Variants in PIK3R5 observed in about 807,000 individuals in gnomAD.
The protein encoded by PIK3R5 is phosphoinositide-3-kinase regulatory subunit 5.
PIK3R5 carries 32 observed loss-of-function variants against 94.9 expected under a neutral mutation model. That is an observed-to-expected ratio of 0.34 (90% CI 0.25 to 0.45). The LOEUF is 0.45. Ranked by LOEUF, PIK3R5 falls within the 20% of genes least tolerant of loss-of-function variation. The pLI is 1.00. For missense variants in PIK3R5, 853 were observed against 1,144.6 expected (o/e 0.75, Z 3.68); for synonymous variants, 443 against 479.4 (o/e 0.92, Z 0.99).
rs1324735051 is a variant in PIK3R5, at chr17:8,925,746, G to A, written c.-13-14239C>T. ...CTTGCATCATGGCTGAGTACATTTTGGTCCCCAAGTGGGTGTGCACTTTTT... is the reference window on the plus strand; with the variant it reads ...CTTGCATCATGGCTGAGTACATTTTAGTCCCCAAGTGGGTGTGCACTTTTT... On this transcript the variant is annotated intron_variant, in intron 1 of 18. Coordinates refer to ENST00000447110, the MANE Select transcript of PIK3R5 (RefSeq NM_001142633.3). This position sits in a 1 kb window ranked among gnomAD's most constrained non-coding sequence, Gnocchi z 5.1. Among the ~76,000 whole-genome samples, 1 of 152,198 alleles carries A rather than the reference G, an allele frequency of 6.6e-6. No individual in the cohort carries two copies. Among genetic ancestry groups the A allele is most frequent in the Non-Finnish European group, 1.5e-5 (1 of 68,026 alleles).
At chr17:8,913,225 G>A (rs1031195014) in intron 1 of PIK3R5, among the ~76,000 whole-genome samples, 4 of 152,230 alleles carry the variant, frequency 2.6e-5, no homozygotes, top group Non-Finnish European at 5.9e-5. Context: ...GGAAGCCAGG[G>A]CAAATGAGGG....
At chr17:8,903,146 T>TTATC (rs1160626492) in intron 5 of PIK3R5, among the ~76,000 whole-genome samples, 1 of 152,186 alleles carries the variant, frequency 6.6e-6, no homozygotes, top group African/African-American at 2.4e-5. Flanking sequence ...CACCTGGCCT[T>TTATC]TTTAGATAGT....
chr17:8,956,353 C>T (rs1234731078), intron 1 of PIK3R5, among the ~76,000 whole-genome samples: 1 of 149,658 alleles, frequency 6.7e-6, no homozygotes, highest in Non-Finnish European at 1.5e-5. Flanking sequence ...AAGAGGGACT[C>T]ATAGTCACTG....
chr17:8,885,944 T>C (rs377540825), intron 14 of PIK3R5, among the ~76,000 whole-genome samples: 5 of 77,804 alleles, frequency 6.4e-5, no homozygotes, highest in African/African-American at 1.0e-4. Flanking sequence ...CCCATGGCCC[T>C]GCCTCCTAGG....
intron 1 of PIK3R5, among the ~76,000 whole-genome samples, chr17:8,921,398 C>A (rs1005137206): frequency 6.6e-6 from 1 of 152,134 alleles, no homozygotes; most frequent in East Asian, 1.9e-4. Context: ...CTTTACATGT[C>A]ATATGTCATT....
intron 1 of PIK3R5, among the ~76,000 whole-genome samples, chr17:8,957,516 A>G (rs919093681): frequency 9.2e-5 from 14 of 152,154 alleles, no homozygotes; most frequent in African/African-American, 3.1e-4. Context: ...ATTACTTCAT[A>G]TTCTGTCATC....
intron 1 of PIK3R5, among the ~76,000 whole-genome samples, chr17:8,913,152 C>T (rs528512432): frequency 2.0e-5 from 3 of 152,288 alleles, no homozygotes; most frequent in South Asian, 2.1e-4. Flanking sequence ...AGTGGGGACC[C>T]CCCTCCAGGG....
At position 8,955,904 on chromosome 17, in the gene PIK3R5, G is replaced by A. The variant is rs1010107748; in HGVS notation, c.-14+9692C>T. Among the ~76,000 whole-genome samples, 10 of 152,220 alleles carry A rather than the reference G, an allele frequency of 6.6e-5. No homozygotes were observed. Among genetic ancestry groups the A allele is most frequent in the African/African-American group, 1.9e-4 (8 of 41,542 alleles). ...ATAGGGCATCAAGTGAAAATAACCCGCATGTACTTGGAGGCCGAAGCAGGT... is the reference window on the plus strand; with the variant it reads ...ATAGGGCATCAAGTGAAAATAACCCACATGTACTTGGAGGCCGAAGCAGGT... On this transcript the variant is annotated intron_variant, in intron 1 of 18. Transcript: ENST00000447110. The surrounding 1 kb of genome is among the most constrained non-coding windows in gnomAD (Gnocchi z 4.4).
intron 1 of PIK3R5, among the ~76,000 whole-genome samples, chr17:8,951,255 G>A (rs918992510): frequency 2.0e-5 from 3 of 152,302 alleles, no homozygotes; most frequent in Non-Finnish European, 4.4e-5. Flanking sequence ...TGTAGGTTGT[G>A]TGTGTACAGT....
chr17:8,906,643 G>A (rs2090402273), intron 3 of PIK3R5, among the ~76,000 whole-genome samples: 2 of 152,100 alleles, frequency 1.3e-5, no homozygotes, highest in Non-Finnish European at 2.9e-5. Context: ...AACACTTTGG[G>A]AGGCCGAGGC....
intron 5 of PIK3R5, among the ~76,000 whole-genome samples, chr17:8,898,572 C>A (rs532047905): frequency 6.6e-6 from 1 of 152,158 alleles, no homozygotes; most frequent in Non-Finnish European, 1.5e-5. Context: ...AAATGTCGAG[C>A]CTTCAGTTTC....
chr17:8,885,110 C>T (rs1214589114), intron 14 of PIK3R5: 6 of 331,128 alleles, frequency 1.8e-5, no homozygotes, highest in Non-Finnish European at 3.4e-5. Context: ...GCTGTGATCA[C>T]ACCTTCCCAG....
Position 8,881,136 on chromosome 17 carries a change from G to T in PIK3R5, c.2383-119C>A. 5.3e-6 allele frequency: 4 copies of T among 756,320 alleles called. No individual in the cohort carries two copies. The highest frequency in any genetic ancestry group is 2.6e-5 in the East Asian group (1 of 38,522). 46.9% of individuals were successfully genotyped at this position (756,320 alleles called of 1,614,324 possible). A position where few individuals can be genotyped will look rare whatever the true frequency, so the allele number is the denominator to read the frequency against. ...TAGGGGTGTGGGAGGGCAGGGGTTT[G>T]TCTGACTGCGCTCCAGGGTTAATGG... On this transcript the variant is annotated intron_variant, in intron 17 of 18. Coordinates refer to ENST00000447110, the MANE Select transcript of PIK3R5 (RefSeq NM_001142633.3). This position sits in a 1 kb window ranked among gnomAD's most constrained non-coding sequence, Gnocchi z 4.8.
In PIK3R5 at chr17:8,959,417, G is replaced by A. The variant is rs1461879222; in HGVS notation, c.-14+6179C>T. The stretch of plus-strand genomic sequence containing the variant: ...TTTATGCAAAACTTTGAGCGAGAGA[G>A]ACTGTGTGTGTGTGTGTGTGTGTGC... On this transcript the variant is annotated intron_variant, in intron 1 of 18. Coordinates refer to ENST00000447110, the MANE Select transcript of PIK3R5 (RefSeq NM_001142633.3). Among the ~76,000 whole-genome samples the A allele has an allele frequency of 1.0e-4, 8 of 78,722 alleles. No homozygotes were observed. In the Admixed American group the frequency reaches 1.2e-3, roughly 12 times the overall value. 51.6% of individuals were successfully genotyped at this position (78,722 alleles called of 152,430 possible).
At chr17:8,946,444 T>C (rs184280771) in intron 1 of PIK3R5, among the ~76,000 whole-genome samples, 2 of 151,894 alleles carry the variant, frequency 1.3e-5, no homozygotes, top group Non-Finnish European at 2.9e-5. Flanking sequence ...TGGCGCCGTC[T>C]GCCAGGCACC....
rs1023143897 is a variant in PIK3R5 at position 8,914,281 on chromosome 17, C to T, written c.-13-2774G>A. ...GTCCAGGAAGGATAAGGGACTTGTT[C>T]GAGGCAGCTGGGAGAGAGTTGACAC... On this transcript the variant is annotated intron_variant, in intron 1 of 18. Transcript: ENST00000447110. Among the ~76,000 whole-genome samples, 8 of 152,114 alleles carry T rather than the reference C, an allele frequency of 5.3e-5. No individual in the cohort carries two copies. In the East Asian group the frequency reaches 7.7e-4, roughly 15 times the overall value.
Position 8,881,792 on chromosome 17 carries a change from C to T in PIK3R5, c.2295G>A (p.Glu765=), listed in dbSNP as rs781181559. ...NLNKACRKQE[E]LDSSMEALTL... is the part of the protein sequence containing the mutation. ...CACACTGACCACCCCACTCACCCAG[C>T]TCCTCCTGCTTCCGGCAGGCCTTGT... Residue 765 remains glutamate, a synonymous_variant, in exon 16 of 19, where the codon GAG becomes GAA. Transcript: ENST00000447110. The surrounding 1 kb of genome is among the most constrained non-coding windows in gnomAD (Gnocchi z 4.8). 1.9e-6 allele frequency: 3 copies of T among 1,614,002 alleles called. No homozygotes were observed. The highest frequency in any genetic ancestry group is 2.5e-6 in the Non-Finnish European group (3 of 1,179,970).
intron 1 of PIK3R5, among the ~76,000 whole-genome samples, chr17:8,930,107 G>A (rs1210969698): frequency 6.6e-6 from 1 of 152,188 alleles, no homozygotes; most frequent in African/African-American, 2.4e-5. Context: ...AAACATGTTA[G>A]AGCACTCCAC....
Position 8,911,778 on chromosome 17 carries a change from G to A in PIK3R5, c.-13-271C>T. The A allele has an allele frequency of 4.0e-6, 1 of 247,262 alleles. No homozygotes were observed. The highest frequency in any genetic ancestry group is 5.5e-5 in the South Asian group (1 of 18,166). 15.3% of individuals were successfully genotyped at this position (247,262 alleles called of 1,614,324 possible). Reference sequence around the variant, plus strand: ...AAGGGGTCAGGAATGGGAGCAGAGAGGTGGAAAGGGCACTGGGCAGTGGGA... The same window carrying A: ...AAGGGGTCAGGAATGGGAGCAGAGAAGTGGAAAGGGCACTGGGCAGTGGGA... On this transcript the variant is annotated intron_variant, in intron 1 of 18. Coordinates refer to ENST00000447110, the MANE Select transcript of PIK3R5 (RefSeq NM_001142633.3). This position sits in a 1 kb window ranked among gnomAD's most constrained non-coding sequence, Gnocchi z 5.3.
Sources: allele counts gnomAD v4.1 joint callset (sites outside exome capture counted in the v4.1 genomes callset), GRCh38; gene constraint gnomAD v4.1.1; non-coding constraint Gnocchi (gnomAD v3.1); transcripts MANE v1.5; gene names NCBI Gene and HGNC (gene_info 2026-07-23, HGNC 2026-07-21).